RABGAP1: variants seen among roughly 807,000 people sequenced by gnomAD.
RABGAP1 encodes RAB GTPase activating protein 1.
RABGAP1 carries 23 observed loss-of-function variants against 137.6 expected under a neutral mutation model. That is an observed-to-expected ratio of 0.17 (90% CI 0.12 to 0.24). The LOEUF (loss-of-function observed/expected upper bound fraction) is 0.24. RABGAP1 is among the 10% of genes least tolerant of loss of function. RABGAP1 has a pLI of 1.00. For missense variants in RABGAP1, 906 were observed against 1,275.8 expected, an observed-to-expected ratio of 0.71 and a Z score of 4.42; for synonymous variants, 451 against 450.7, an observed-to-expected ratio of 1.00 and a Z score of -0.01.
Position 123,010,357 on chromosome 9 carries a change from A to C in RABGAP1, c.1378A>C (p.Lys460Gln), listed in dbSNP as rs1472476153. The C allele has an allele frequency of 1.9e-6, 3 of 1,605,396 alleles. No individual in the cohort carries two copies. The highest frequency in any genetic ancestry group is 4.5e-5 in the East Asian group (2 of 44,796). The change falls in exon 11 of 26, where the codon AAG becomes CAG. Residue 460 changes from lysine (K) to glutamine (Q), a missense_variant. By Grantham distance (53) the Lys-to-Gln change is moderately conservative. Transcript: ENST00000373647. Reference protein sequence around the residue: ...ENFFLKLKQIKQRERKNNTDT... With the variant: ...ENFFLKLKQIQQRERKNNTDT... ...ATAATATTTTTTCATCTTCAAGATA[A>C]AGCAAAGGGAGAGAAAGAATAATAC...
chr9:123,067,988 A>G (rs995527510), intron 14 of RABGAP1, among the ~76,000 whole-genome samples: 2 of 152,212 alleles, frequency 1.3e-5, no homozygotes, highest in Admixed American at 6.5e-5. Flanking sequence ...TGAGAAGAAT[A>G]CATCAACTCT....
chr9:122,981,353 C>G (rs145314745), intron 2 of RABGAP1, among the ~76,000 whole-genome samples: 8 of 152,174 alleles, frequency 5.3e-5, no homozygotes, highest in Non-Finnish European at 8.8e-5. Flanking sequence ...AGCAGAACTT[C>G]TGAAAAAAGA....
intron 22 of RABGAP1, 124 bp downstream of exon 22, chr9:123,097,969 T>C (rs1481848950): frequency 1.3e-6 from 1 of 746,932 alleles, no homozygotes; most frequent in African/African-American, 1.8e-5. Flanking sequence ...TCCAAAGACT[T>C]TTTTTTTCCC....
intron 13 of RABGAP1, chr9:123,020,998 C>T: frequency 1.7e-6 from 1 of 576,424 alleles, no homozygotes; most frequent in South Asian, 7.6e-5. Flanking sequence ...ATTTCTTCTA[C>T]AAGCATATCA....
chr9:123,036,855 A>G (rs537795222), intron 13 of RABGAP1, among the ~76,000 whole-genome samples: 1 of 151,828 alleles, frequency 6.6e-6, no homozygotes, highest in East Asian at 1.9e-4. Context: ...AAAAACCTAT[A>G]GGATTTTATA....
chr9:123,013,284 A>T (rs1010241456), intron 11 of RABGAP1, among the ~76,000 whole-genome samples: 5 of 151,822 alleles, frequency 3.3e-5, no homozygotes, highest in African/African-American at 7.3e-5. Flanking sequence ...AAGTAGGGCC[A>T]GTCTTGCAAG....
chr9:122,972,253 G>T (rs1177463887), intron 2 of RABGAP1, among the ~76,000 whole-genome samples: 1 of 152,042 alleles, frequency 6.6e-6, no homozygotes, highest in African/African-American at 2.4e-5. Flanking sequence ...ACAACAGTGC[G>T]ACCCTGTCTC....
At chr9:123,066,791 T>G (rs1223311751) in intron 14 of RABGAP1, among the ~76,000 whole-genome samples, 1 of 152,226 alleles carries the variant, frequency 6.6e-6, no homozygotes, top group Non-Finnish European at 1.5e-5. Context: ...GTCAATTGTA[T>G]CAAACAGAAT....
intron 13 of RABGAP1, among the ~76,000 whole-genome samples, chr9:123,042,929 A>G (rs2033021112): frequency 6.6e-6 from 1 of 152,198 alleles, no homozygotes; most frequent in Non-Finnish European, 1.5e-5. Context: ...GGGGTGGGGC[A>G]TGGATGGTGG....
intron 13 of RABGAP1, among the ~76,000 whole-genome samples, chr9:123,027,363 C>T (rs888473940): frequency 1.3e-5 from 2 of 152,212 alleles, no homozygotes; most frequent in Non-Finnish European, 2.9e-5. Context: ...ATCCCCCCAG[C>T]TTGGCCTTCC....
intron 9 of RABGAP1, among the ~76,000 whole-genome samples, chr9:122,998,238 T>C (rs1194409411): frequency 6.6e-6 from 1 of 152,154 alleles, no homozygotes; most frequent in Non-Finnish European, 1.5e-5. Context: ...TATCTGGGAC[T>C]ACAGGCATGT....
upstream of RABGAP1, among the ~76,000 whole-genome samples, chr9:122,936,849 C>A (rs1450119505): frequency 6.6e-6 from 1 of 152,170 alleles, no homozygotes; most frequent in East Asian, 1.9e-4. Context: ...TAGAAAGCTA[C>A]TGCATATAAC....
chr9:123,027,466 C>CTA (rs1564143438), intron 13 of RABGAP1, among the ~76,000 whole-genome samples: 1 of 152,198 alleles, frequency 6.6e-6, no homozygotes, highest in East Asian at 1.9e-4. Context: ...GGCCCAGCCA[C>CTA]ATTTTGCTAG....
At chr9:122,966,496 C>G (rs561789155) in intron 2 of RABGAP1, among the ~76,000 whole-genome samples, 1 of 152,004 alleles carries the variant, frequency 6.6e-6, no homozygotes, top group South Asian at 2.1e-4. Context: ...GCCCCCCAGC[C>G]TGGGTGACAA....
intron 13 of RABGAP1, among the ~76,000 whole-genome samples, chr9:123,041,719 C>T (rs1004179329): frequency 3.9e-5 from 6 of 152,158 alleles, no homozygotes; most frequent in Non-Finnish European, 8.8e-5. Context: ...ATCAACAGAG[C>T]TGCTTTCTAA....
At chr9:122,944,047 A>G (rs1833783096) in intron 1 of RABGAP1, among the ~76,000 whole-genome samples, 2 of 152,236 alleles carry the variant, frequency 1.3e-5, no homozygotes, top group African/African-American at 4.8e-5. Flanking sequence ...AGTTTTAACA[A>G]GGAATTTTTG....
intron 13 of RABGAP1, among the ~76,000 whole-genome samples, chr9:123,023,071 A>G (rs1191687237): frequency 6.6e-6 from 1 of 152,178 alleles, no homozygotes; most frequent in East Asian, 1.9e-4. Flanking sequence ...GAACATATCC[A>G]TAACCCCCAA....
chr9:123,096,275 A>G (rs1369204263), intron 21 of RABGAP1, among the ~76,000 whole-genome samples: 2 of 152,248 alleles, frequency 1.3e-5, no homozygotes, highest in Non-Finnish European at 1.5e-5. Flanking sequence ...GGTATTACCA[A>G]GGACAAAGAG....
At chr9:122,998,386 T>C (rs1837149075) in intron 9 of RABGAP1, among the ~76,000 whole-genome samples, 1 of 152,234 alleles carries the variant, frequency 6.6e-6, no homozygotes, top group Non-Finnish European at 1.5e-5. Flanking sequence ...CTTTACAGTG[T>C]ATACTACTGT....
Sources: gnomAD v4.1 joint callset for allele counts (sites outside exome capture counted in the v4.1 genomes callset) on GRCh38, gnomAD v4.1.1 for gene constraint, MANE v1.5 for transcripts, NCBI Gene and HGNC (gene_info 2026-07-23, HGNC 2026-07-21) for gene names.